Variants in INSL6 observed in about 807,000 individuals in gnomAD.
INSL6 encodes insulin-like peptide INSL6.
INSL6 carries 16 observed loss-of-function variants against 9.4 expected under a neutral mutation model. That is an observed-to-expected ratio of 1.70 (90% CI 1.15 to 2.59). The LOEUF (loss-of-function observed/expected upper bound fraction) is 2.59, where lower values mean the gene tolerates loss of function less well. INSL6 is among the 30% of genes most tolerant of loss of function. INSL6 has a pLI of 0.00. For missense variants in INSL6, 391 were observed against 257.3 expected (o/e 1.52, Z -3.56); for synonymous variants, 154 against 96.9 (o/e 1.59, Z -3.46).
At chr9:5,091,993 G>A in the INSL6 span, among the ~76,000 whole-genome samples, 1 of 152,110 alleles carries the variant, frequency 6.6e-6, no homozygotes, top group Admixed American at 6.6e-5. Flanking sequence ...CGAAGATACT[G>A]CCGATTGCTA....
chr9:5,088,210 ACTTGAGAGTCCTGGGT>A, the INSL6 span, among the ~76,000 whole-genome samples: 78 of 152,086 alleles, frequency 5.1e-4, no homozygotes, highest in African/African-American at 5.3e-4. Context: ...TTCCAATCTG[ACTTGAGAGTCCTGGGT>A]CTTGAGAGTC....
chr9:5,118,007 A>C, the INSL6 span, among the ~76,000 whole-genome samples: 1 of 152,222 alleles, frequency 6.6e-6, no homozygotes, highest in Non-Finnish European at 1.5e-5. Context: ...GTAAGTAGTT[A>C]TAATGTATTT....
intron 1 of INSL6, among the ~76,000 whole-genome samples, chr9:5,169,965 G>C (rs1056099002): frequency 6.6e-6 from 1 of 152,178 alleles, no homozygotes; most frequent in Non-Finnish European, 1.5e-5. Context: ...TGTTGAGACA[G>C]AAAATTAACA....
the INSL6 span, chr9:5,054,591 C>A: frequency 2.5e-6 from 4 of 1,596,108 alleles, no homozygotes; most frequent in South Asian, 1.1e-5. The surrounding 1 kb of genome is among the most constrained non-coding windows in gnomAD (Gnocchi z 4.9). Context: ...AAAATGTATT[C>A]GAGCAAAGAT....
rs182200047 is a variant in INSL6, at chr9:5,137,917, T to A, written c.377-4325A>T. On this transcript the variant is annotated intron_variant, in intron 2 of 3. Coordinates refer to the INSL6 transcript ENST00000649639. Reference sequence around the variant, plus strand: ...GAAAAAAAACCCATAAAAAAGTAGGTGAAGGATATGAACAGACATTTCTCA... The same window carrying A: ...GAAAAAAAACCCATAAAAAAGTAGGAGAAGGATATGAACAGACATTTCTCA... Among the ~76,000 whole-genome samples, 16 of 149,280 alleles carry A rather than the reference T, an allele frequency of 1.1e-4. No homozygotes were observed. The East Asian group carries it at 3.2e-3, about 29-fold the overall frequency.
At chr9:5,178,402 T>C (rs1167774449) in intron 1 of INSL6, among the ~76,000 whole-genome samples, 1 of 151,932 alleles carries the variant, frequency 6.6e-6, no homozygotes, top group Non-Finnish European at 1.5e-5. Flanking sequence ...TACAGCTGCT[T>C]TGGCAGATTG....
At chr9:5,132,157 T>TAC (rs1824304537) in intron 3 of INSL6, 1 of 152,226 alleles carries the variant, frequency 6.6e-6, no homozygotes, top group Admixed American at 6.5e-5. Flanking sequence ...ACAGTGAGCA[T>TAC]ACCATTATTC....
At chr9:5,069,491 T>C in the INSL6 span, among the ~76,000 whole-genome samples, 4 of 152,188 alleles carry the variant, frequency 2.6e-5, no homozygotes, top group African/African-American at 9.6e-5. Flanking sequence ...TAAATTCTTA[T>C]GTTGTTTTAA....
the INSL6 span, chr9:5,022,070 A>G: frequency 6.2e-7 from 1 of 1,614,026 alleles, no homozygotes; most frequent in Non-Finnish European, 8.5e-7. Context: ...ATTTCTGGAA[A>G]TGCCAATTCT....
chr9:5,124,621 CA>C (rs1823854703), intron 3 of INSL6, among the ~76,000 whole-genome samples: 1 of 151,754 alleles, frequency 6.6e-6, no homozygotes, highest in Non-Finnish European at 1.5e-5. Context: ...GCAAAAAGAA[CA>C]AAGCTGGAAG....
Position 5,164,131 on chromosome 9 carries a change from G to A in INSL6, c.424C>T (p.His142Tyr), listed in dbSNP as rs532468526. 1.2e-6 allele frequency: 2 copies of A among 1,611,902 alleles called. No homozygotes were observed. The highest frequency in any genetic ancestry group is 1.7e-5 in the Admixed American group (1 of 59,704). The change falls in exon 2 of 2, where the codon CAT (histidine) becomes TAT (tyrosine). Residue 142 changes from histidine (H) to tyrosine (Y), a missense_variant. Physicochemically the swap from His to Tyr is moderately conservative, Grantham distance 83. Transcript: ENST00000381641. ...TTCTTCTGAAATTTTGCATTCTCAT[G>A]AATATATACATTGATATTATGTGAT... ...SSSHNINVYI[H>Y]ENAKFQKKRR...
the INSL6 span, among the ~76,000 whole-genome samples, chr9:5,096,396 A>C: frequency 6.6e-6 from 1 of 152,270 alleles, no homozygotes; most frequent in East Asian, 1.9e-4. Context: ...CACTTTAATT[A>C]AGCTAAGTCC....
chr9:4,997,080 C>T, the INSL6 span, among the ~76,000 whole-genome samples: 1 of 151,866 alleles, frequency 6.6e-6, no homozygotes, highest in Non-Finnish European at 1.5e-5. Context: ...AGGCGAGTGC[C>T]ACTAGGCCTG....
chr9:5,126,273 GAGAA>G, intron 3 of INSL6: 1 of 1,236,654 alleles, frequency 8.1e-7, no homozygotes. Context: ...GGAGGAAATT[GAGAA>G]AGAATTTTGC....
the INSL6 span, among the ~76,000 whole-genome samples, chr9:5,021,506 A>G: frequency 3.3e-5 from 5 of 152,224 alleles, no homozygotes; most frequent in Admixed American, 2.0e-4. Context: ...TGTGCTTTGT[A>G]TGTAGTAATA....
chr9:5,071,692 C>T, the INSL6 span, among the ~76,000 whole-genome samples: 1 of 152,138 alleles, frequency 6.6e-6, no homozygotes, highest in Non-Finnish European at 1.5e-5. Context: ...AGACCCAACT[C>T]ATATCTGAGC....
downstream of INSL6, among the ~76,000 whole-genome samples, chr9:5,162,978 A>T (rs1366922748): frequency 2.0e-5 from 3 of 152,214 alleles, no homozygotes; most frequent in Non-Finnish European, 4.4e-5. Flanking sequence ...ACAGGAAAAA[A>T]AACACCAAAA....
intron 3 of INSL6, chr9:5,133,295 G>C (rs929020454): frequency 9.9e-5 from 15 of 152,058 alleles, no homozygotes; most frequent in Non-Finnish European, 1.8e-4. Flanking sequence ...GGTCAAACCA[G>C]CACTACCTCA....
At chr9:5,021,138 C>A in the INSL6 span, among the ~76,000 whole-genome samples, 1 of 152,166 alleles carries the variant, frequency 6.6e-6, no homozygotes, top group Non-Finnish European at 1.5e-5. Flanking sequence ...GCTCTCTAGG[C>A]TTCTGGCTGA....
Sources: allele counts gnomAD v4.1 joint callset (sites outside exome capture counted in the v4.1 genomes callset), GRCh38; gene constraint gnomAD v4.1.1; non-coding constraint Gnocchi (gnomAD v3.1); transcripts MANE v1.5; gene names NCBI Gene and HGNC (gene_info 2026-07-23, HGNC 2026-07-21).